TASP1: variants seen among roughly 807,000 people sequenced by gnomAD.
TASP1 encodes the protein taspase 1, also known as threonine aspartase 1.
TASP1 carries 16 observed loss-of-function variants against 56.6 expected under a neutral mutation model. The observed-to-expected ratio is 0.28, with a 90% CI of 0.19 to 0.43. TASP1 has a LOEUF of 0.43. TASP1 is among the 20% of genes least tolerant of loss of function. The pLI is 1.00. For missense variants in TASP1, 393 were observed against 511.6 expected, an observed-to-expected ratio of 0.77 and a Z score of 2.24; for synonymous variants, 179 against 184.2, an observed-to-expected ratio of 0.97 and a Z score of 0.23.
the TASP1 span, among the ~76,000 whole-genome samples, chr20:13,127,742 T>C: frequency 6.6e-6 from 1 of 152,320 alleles, no homozygotes; most frequent in Admixed American, 6.5e-5. Flanking sequence ...CAAGACTTTT[T>C]CTTTTTCACT....
rs564317943 is a variant in TASP1, at chr20:13,451,559, A to C, written c.986-16405T>G. Among the ~76,000 whole-genome samples, 102 of 152,232 alleles carry C rather than the reference A, an allele frequency of 6.7e-4. 1 individual carries two copies. Among genetic ancestry groups the C allele is most frequent in the Admixed American group, 1.4e-3 (21 of 15,272 alleles). ...GCAGCTTCTTTCCTTATACCTCATG[A>C]ATGAATCTCTGCTAGATTCAACTTT... is the stretch of plus-strand genomic sequence containing the variant. On this transcript the variant is annotated intron_variant, in intron 11 of 13. Coordinates refer to ENST00000337743, the MANE Select transcript of TASP1 (RefSeq NM_017714.3).
intron 12 of TASP1, among the ~76,000 whole-genome samples, chr20:13,428,914 A>G (rs999869682): frequency 2.0e-5 from 3 of 152,200 alleles, no homozygotes; most frequent in African/African-American, 7.2e-5. Flanking sequence ...TTTGGCACCT[A>G]AATCATCCAT....
chr20:13,604,270 G>A lies in TASP1; in HGVS notation c.283-16900C>T, dbSNP rs532079467. ...TAGGAGGTATCTGGGTCATGGGGGC[G>A]GATACTTCATAGAATGGCTTGGTGC... On this transcript the variant is annotated intron_variant, in intron 4 of 13. Transcript: ENST00000337743. Among the ~76,000 whole-genome samples, 10 of 152,144 alleles carry A rather than the reference G, an allele frequency of 6.6e-5. No individual in the cohort carries two copies. The East Asian group carries it at 1.2e-3, about 18-fold the overall frequency.
chr20:13,545,627 T>C (rs35622676), intron 8 of TASP1, among the ~76,000 whole-genome samples: 2,871 of 149,472 alleles, frequency 0.019, 46 homozygotes, highest in Non-Finnish European at 0.029. Flanking sequence ...ACCAGCAAAG[T>C]GTAGTTTGGT....
intron 10 of TASP1, among the ~76,000 whole-genome samples, chr20:13,484,312 T>A (rs1194463281): frequency 6.6e-6 from 1 of 152,236 alleles, no homozygotes; most frequent in African/African-American, 2.4e-5. Flanking sequence ...ACTAGGTATA[T>A]ATTCCAAGGA....
chr20:13,288,557 G>A, the TASP1 span: 10 of 1,613,854 alleles, frequency 6.2e-6, no homozygotes, highest in Non-Finnish European at 8.5e-6. Context: ...AGATGGCGAG[G>A]GTGACTGGAG....
the TASP1 span, among the ~76,000 whole-genome samples, chr20:13,305,505 C>A: frequency 6.6e-5 from 10 of 152,292 alleles, no homozygotes; most frequent in Non-Finnish European, 1.5e-4. Context: ...GTTTGTCATT[C>A]ATTTACAATT....
At chr20:13,294,298 C>T in the TASP1 span, among the ~76,000 whole-genome samples, 2 of 152,244 alleles carry the variant, frequency 1.3e-5, no homozygotes, top group African/African-American at 2.4e-5. Context: ...GCCTCTACCT[C>T]ATCCCTCCAA....
At chr20:13,366,886 T>TCTCTCACACACACA in the TASP1 span, among the ~76,000 whole-genome samples, 2 of 150,444 alleles carry the variant, frequency 1.3e-5, no homozygotes, top group African/African-American at 4.9e-5. Context: ...ACACACACAC[T>TCTCTCACACACACA]CTCTCTCACA....
chr20:13,615,796 C>T (rs1373756693), intron 4 of TASP1, among the ~76,000 whole-genome samples: 1 of 152,078 alleles, frequency 6.6e-6, no homozygotes, highest in Admixed American at 6.6e-5. Flanking sequence ...AGCAACTGTG[C>T]CAGGCCGAGA....
At chr20:13,256,257 G>T in the TASP1 span, among the ~76,000 whole-genome samples, 1 of 151,972 alleles carries the variant, frequency 6.6e-6, no homozygotes, top group Non-Finnish European at 1.5e-5. Flanking sequence ...TTAGCCAGGC[G>T]TGGTGGCGGG....
chr20:13,236,453 A>G, the TASP1 span, among the ~76,000 whole-genome samples: 2 of 152,002 alleles, frequency 1.3e-5, no homozygotes, highest in African/African-American at 4.8e-5. Context: ...TGGGGACACA[A>G]CCAAGTCATA....
the TASP1 span, among the ~76,000 whole-genome samples, chr20:13,137,684 A>G: frequency 6.6e-6 from 1 of 152,170 alleles, no homozygotes; most frequent in African/African-American, 2.4e-5. Flanking sequence ...GATCATGTTT[A>G]AAAACATAGA....
chr20:13,244,555 A>G, the TASP1 span, among the ~76,000 whole-genome samples: 1 of 152,216 alleles, frequency 6.6e-6, no homozygotes, highest in Non-Finnish European at 1.5e-5. Context: ...AACACATTGC[A>G]TATAAAAACA....
intron 4 of TASP1, among the ~76,000 whole-genome samples, chr20:13,602,376 TGGAAGAGAAAA>T (rs2047994770): frequency 6.6e-6 from 1 of 152,136 alleles, no homozygotes; most frequent in African/African-American, 2.4e-5. Flanking sequence ...GATGGAACCC[TGGAAGAGAAAA>T]AAGGCATTAG....
the TASP1 span, among the ~76,000 whole-genome samples, chr20:13,314,591 T>A: frequency 6.6e-6 from 1 of 152,024 alleles, no homozygotes; most frequent in Non-Finnish European, 1.5e-5. Flanking sequence ...GGATGGAATT[T>A]GTTACCAGTA....
the TASP1 span, among the ~76,000 whole-genome samples, chr20:13,206,877 G>T: frequency 2.6e-5 from 4 of 152,106 alleles, no homozygotes; most frequent in African/African-American, 9.7e-5. Flanking sequence ...TGCACACATA[G>T]AATTTTCAAA....
chr20:13,447,625 A>C (rs2043460422), intron 11 of TASP1, among the ~76,000 whole-genome samples: 1 of 152,138 alleles, frequency 6.6e-6, no homozygotes, highest in Non-Finnish European at 1.5e-5. Context: ...GCCACCTACT[A>C]AAGACAGCCA....
At chr20:13,283,598 G>C in the TASP1 span, among the ~76,000 whole-genome samples, 5 of 152,220 alleles carry the variant, frequency 3.3e-5, no homozygotes, top group Non-Finnish European at 2.9e-5. Context: ...GATGCTGTGA[G>C]TCAGCTCAAC....
Sources: allele counts gnomAD v4.1 joint callset (sites outside exome capture counted in the v4.1 genomes callset), GRCh38; gene constraint gnomAD v4.1.1; transcripts MANE v1.5; gene names NCBI Gene and HGNC (gene_info 2026-07-23, HGNC 2026-07-21).